Variants in FXYD5 observed in about 807,000 individuals in gnomAD.
FXYD5 encodes FXYD domain containing ion transport regulator 5.
FXYD5 carries 21 observed loss-of-function variants against 25.7 expected under a neutral mutation model. That is an observed-to-expected ratio of 0.82 (90% CI 0.58 to 1.18). The LOEUF is 1.18. Ranked by LOEUF, FXYD5 falls within the 50% of genes most tolerant of loss-of-function variation. The pLI is 0.00. For missense variants in FXYD5, 229 were observed against 227.7 expected (o/e 1.01, Z -0.04); for synonymous variants, 101 against 90.7 (o/e 1.11, Z -0.64).
At chr19:35,159,750 AT>A in intron 4 of FXYD5, 2 of 1,315,860 alleles carry the variant, frequency 1.5e-6, no homozygotes, top group Non-Finnish European at 2.0e-6. Context: ...CATTGTCCCC[AT>A]TTTACAGACA....
chr19:35,168,510 T>A (rs771668513), intron 8 of FXYD5, among the ~76,000 whole-genome samples: 8 of 152,098 alleles, frequency 5.3e-5, no homozygotes, highest in South Asian at 2.1e-4. Context: ...GGAGGCAAAG[T>A]AGCCAGGACA....
Position 35,155,645 on chromosome 19 carries a change from G to C in FXYD5, c.61+34G>C, listed in dbSNP as rs753804064. ...CATCTCTGGCCTCCACCCTGCCCCA[G>C]AGCCCCCAGCCAGGCCAGCCCCACG... is the stretch of plus-strand genomic sequence containing the variant. On this transcript the variant is annotated intron_variant, in intron 2 of 8. Transcript: ENST00000392219. 3.3e-6 allele frequency: 5 copies of C among 1,528,778 alleles called. No homozygotes were observed. In the African/African-American group the frequency reaches 6.8e-5, roughly 21 times the overall value. 94.7% of individuals were successfully genotyped at this position (1,528,778 alleles called of 1,614,324 possible). A position where few individuals can be genotyped will look rare whatever the true frequency, so the allele number is the denominator to read the frequency against.
intron 7 of FXYD5, 34 bp from the exon 8 acceptor site, chr19:35,166,217 G>A (rs890242900): frequency 3.1e-6 from 5 of 1,610,344 alleles, no homozygotes; most frequent in South Asian, 1.1e-5. Context: ...GGTGAGGTCC[G>A]TCTGACTCTA....
At chr19:35,156,587 G>A (rs2065357890) in intron 2 of FXYD5, among the ~76,000 whole-genome samples, 1 of 152,224 alleles carries the variant, frequency 6.6e-6, no homozygotes, top group Non-Finnish European at 1.5e-5. Flanking sequence ...GAGGGAATGA[G>A]CTTTGCAGGT....
rs1271455021 is a variant in FXYD5 at position 35,166,063 on chromosome 19, C to T, written c.383-79C>T. 2.9e-6 allele frequency: 4 copies of T among 1,377,708 alleles called. No homozygotes were observed. The East Asian group carries it at 9.1e-5, about 31-fold the overall frequency. The allele number at this position is 1,377,708 out of a possible 1,614,324, so 85.3% of individuals were successfully genotyped here. A position where few individuals can be genotyped will look rare whatever the true frequency, so the allele number is the denominator to read the frequency against. ...GTTCTAAGGGTACCCAGGTATCCCC[C>T]TTTCCTGACTTTGCCATTCACGTAT... On this transcript the variant is annotated intron_variant, in intron 6 of 8. Transcript: ENST00000392219.
At chr19:35,167,889 GTT>G (rs1051454450) in intron 8 of FXYD5, among the ~76,000 whole-genome samples, 1 of 152,116 alleles carries the variant, frequency 6.6e-6, no homozygotes, top group Non-Finnish European at 1.5e-5. Context: ...GAGTTAAGGA[GTT>G]TGCCTAAGGT....
At chr19:35,159,242 T>C (rs1339506881) in intron 4 of FXYD5, among the ~76,000 whole-genome samples, 1 of 152,208 alleles carries the variant, frequency 6.6e-6, no homozygotes, top group African/African-American at 2.4e-5. Context: ...TAAACCCCTT[T>C]GTCACCTCCC....
chr19:35,160,848 C>A (rs931583254), intron 5 of FXYD5, 47 bp downstream of exon 5: 2 of 1,169,046 alleles, frequency 1.7e-6, no homozygotes, highest in Non-Finnish European at 2.6e-6. Context: ...TTGTTTAATT[C>A]TCTATCTAGG....
At chr19:35,165,915 G>A (rs982968133) in intron 6 of FXYD5, among the ~76,000 whole-genome samples, 4 of 152,164 alleles carry the variant, frequency 2.6e-5, no homozygotes, top group Admixed American at 2.6e-4. Context: ...GAAGGTGTCT[G>A]CATGTTCAAC....
chr19:35,169,542 C>G, intron 8 of FXYD5, 24 bp from the exon 9 acceptor site: 1 of 1,571,976 alleles, frequency 6.4e-7, no homozygotes, highest in South Asian at 1.1e-5. Context: ...TAGCTCGTGA[C>G]TGAATCATTT....
At chr19:35,161,763 G>A (rs952480015) in intron 5 of FXYD5, among the ~76,000 whole-genome samples, 35 of 152,252 alleles carry the variant, frequency 2.3e-4, no homozygotes, top group African/African-American at 8.2e-4. Flanking sequence ...CCTGCGTGAT[G>A]ATCCTTATTT....
At chr19:35,159,518 G>A (rs775760550) in intron 4 of FXYD5, 96 of 1,550,252 alleles carry the variant, frequency 6.2e-5, no homozygotes, top group Non-Finnish European at 7.4e-5. Flanking sequence ...TCCACAAGGC[G>A]CCTATATCAC....
Position 35,158,415 on chromosome 19 carries a change from GGCAGGC to G in FXYD5, c.199+17_199+22del. The stretch of plus-strand genomic sequence containing the variant: ...GCCTGCTGATGGTGAGTAGTGCAGG[GGCAGGC>G]GGCGGGGACAGGACCAAGACAAACA... On this transcript the variant is annotated intron_variant, in intron 4 of 8. Transcript: ENST00000392219. The G allele has an allele frequency of 2.0e-6, 3 of 1,512,686 alleles. No individual in the cohort carries two copies. The highest frequency in any genetic ancestry group is 2.8e-6 in the Non-Finnish European group (3 of 1,088,226). 93.7% of individuals were successfully genotyped at this position (1,512,686 alleles called of 1,614,324 possible).
At chr19:35,160,548 G>T (rs2065395165) in intron 4 of FXYD5, among the ~76,000 whole-genome samples, 161 bp from the exon 5 acceptor site, 1 of 152,176 alleles carries the variant, frequency 6.6e-6, no homozygotes, top group African/African-American at 2.4e-5. Flanking sequence ...GTTTCTCCAT[G>T]TTGGTCAGGC....
At chr19:35,166,508 T>C in intron 8 of FXYD5, 183 bp downstream of exon 8, 1 of 510,530 alleles carries the variant, frequency 2.0e-6, no homozygotes, top group Non-Finnish European at 3.4e-6. Context: ...GAGCTCTCAA[T>C]ACCACAGTTT....
At chr19:35,159,129 A>T (rs888587716) in intron 4 of FXYD5, among the ~76,000 whole-genome samples, 4 of 151,348 alleles carry the variant, frequency 2.6e-5, no homozygotes, top group African/African-American at 9.7e-5. Context: ...CCTGTCTCAA[A>T]AAAAAAAAAA....
At position 35,158,377 on chromosome 19, in the gene FXYD5, C is replaced by T. The variant is rs760467667; in HGVS notation, c.176C>T (p.Pro59Leu). ...TACACAGAACTCCAGCCCACCTCTCCAACCCCAACCTGGCCTGCTGATGGT... is the reference window on the plus strand; with the variant it reads ...TACACAGAACTCCAGCCCACCTCTCTAACCCCAACCTGGCCTGCTGATGGT... The part of the protein sequence containing the change: ...AVYTELQPTS[P>L]TPTWPADETP... Residue 59 changes from proline (P) to leucine (L), a missense_variant, in exon 4 of 9, where the codon CCA becomes CTA. Physicochemically the swap from Pro to Leu is moderately conservative, Grantham distance 98 (BLOSUM62 -3). Coordinates refer to ENST00000392219, the MANE Select transcript of FXYD5 (RefSeq NM_014164.6). The T allele has an allele frequency of 5.6e-6, 9 of 1,606,332 alleles. No homozygotes were observed. In the Admixed American group the frequency reaches 1.3e-4, roughly 24 times the overall value.
intron 6 of FXYD5, among the ~76,000 whole-genome samples, chr19:35,165,756 T>A (rs1372370368): frequency 6.6e-6 from 1 of 152,004 alleles, no homozygotes; most frequent in Non-Finnish European, 1.5e-5. Flanking sequence ...GGATTTTGGA[T>A]TTGGGGATTA....
chr19:35,169,564 A>G lies in FXYD5; in HGVS notation c.488-2A>G. 1.2e-6 allele frequency: 2 copies of G among 1,605,096 alleles called. No homozygotes were observed. The highest frequency in any genetic ancestry group is 2.2e-5 in the East Asian group (1 of 44,848). On this transcript the variant is annotated splice_acceptor_variant, in intron 8 of 8. Transcript: ENST00000392219. LOFTEE classifies it high-confidence loss of function. ...TGACTGAATCATTTCCTTCACCCAC[A>G]GGTGGCAAGTGCAGGCAGCTGTCCC... is the stretch of plus-strand genomic sequence containing the variant.
Sources: gnomAD v4.1 joint callset for allele counts (sites outside exome capture counted in the v4.1 genomes callset) on GRCh38, gnomAD v4.1.1 for gene constraint, MANE v1.5 for transcripts, NCBI Gene and HGNC (gene_info 2026-07-23, HGNC 2026-07-21) for gene names.